Variants in PNPLA2 observed in about 807,000 individuals in gnomAD.
PNPLA2 encodes the protein patatin like domain 2, triacylglycerol lipase.
Under a neutral mutation model 39.7 loss-of-function variants are expected in PNPLA2, and 28 were observed. The observed-to-expected ratio is 0.70, with a 90% confidence interval of 0.52 to 0.97. PNPLA2 has a LOEUF of 0.97. PNPLA2 is among the 50% of genes least tolerant of loss of function. The probability of loss-of-function intolerance (pLI) is 0.00; values close to 1 mark genes in which losing one functional copy is unlikely to be tolerated. For synonymous variants in PNPLA2, 392 were observed against 321.1 expected, an observed-to-expected ratio of 1.22 and a Z score of -2.36; for missense variants, 768 against 698.2, an observed-to-expected ratio of 1.10 and a Z score of -1.13.
Position 825,277 on chromosome 11 carries a change from C to T in PNPLA2, c.*415C>T. 1 of 299,894 alleles carries T rather than the reference C, an allele frequency of 3.3e-6. No homozygotes were observed. The highest frequency in any genetic ancestry group is 6.4e-6 in the Non-Finnish European group (1 of 156,458). 18.6% of individuals were successfully genotyped at this position (299,894 alleles called of 1,614,324 possible). The stretch of plus-strand genomic sequence containing the variant: ...CTTACTTGCAGTGAGAGCCTGGTGG[C>T]CAGGGTCTGGCCCTACCTTGGCTGA... On this transcript the variant is annotated 3_prime_UTR_variant, in exon 10 of 10. Transcript: ENST00000336615.
chr11:824,197 G>T, intron 8 of PNPLA2, 67 bp downstream of exon 8: 1 of 1,554,582 alleles, frequency 6.4e-7, no homozygotes, highest in Non-Finnish European at 8.7e-7. Context: ...GCGAGTGATG[G>T]TTACCAGGGA....
At position 819,600 on chromosome 11, in the gene PNPLA2, C is replaced by G. The variant is rs975805239; in HGVS notation, c.-119C>G. On this transcript the variant is annotated 5_prime_UTR_variant, in exon 2 of 10. Coordinates refer to ENST00000336615, the MANE Select transcript of PNPLA2 (RefSeq NM_020376.4). Reference sequence around the variant, plus strand: ...TTCTTCGCCTCCGCCAGCGGGGACCCCGAGCTAGAGCCGCAGCGGGACCTG... The same window carrying G: ...TTCTTCGCCTCCGCCAGCGGGGACCGCGAGCTAGAGCCGCAGCGGGACCTG... 3.1e-6 allele frequency: 4 copies of G among 1,282,734 alleles called. No individual in the cohort carries two copies. Among genetic ancestry groups the G allele is most frequent in the Middle Eastern group, 2.9e-4 (1 of 3,506 alleles). The allele number at this position is 1,282,734 out of a possible 1,614,324, so 79.5% of individuals were successfully genotyped here. A position where few individuals can be genotyped will look rare whatever the true frequency, so the allele number is the denominator to read the frequency against.
chr11:820,292 C>T (rs1001814268), intron 2 of PNPLA2, among the ~76,000 whole-genome samples: 3 of 152,344 alleles, frequency 2.0e-5, no homozygotes, highest in African/African-American at 4.8e-5. Context: ...CCTGGGCTTC[C>T]GCAGTTGCAG....
chr11:819,396 A>G, intron 1 of PNPLA2, 178 bp from the exon 2 acceptor site: 3 of 978,212 alleles, frequency 3.1e-6, no homozygotes, highest in Non-Finnish European at 3.6e-6. Context: ...GGAGGGCAGA[A>G]GCTTTCTCCG....
chr11:823,235 T>C (rs757039106), intron 5 of PNPLA2, among the ~76,000 whole-genome samples: 55 of 151,940 alleles, frequency 3.6e-4, no homozygotes, highest in Admixed American at 9.2e-4. Context: ...TTTTTTGTAT[T>C]TTTAGTAGAG....
chr11:822,810 GTCTC>G (rs200940177), intron 5 of PNPLA2, among the ~76,000 whole-genome samples: 2 of 143,360 alleles, frequency 1.4e-5, no homozygotes, highest in South Asian at 2.1e-4. Flanking sequence ...TCCCTGTCCA[GTCTC>G]TCTCTCTTTT....
chr11:821,916 A>G, intron 3 of PNPLA2, 42 bp from the exon 4 acceptor site: 1 of 1,610,544 alleles, frequency 6.2e-7, no homozygotes, highest in Non-Finnish European at 8.5e-7. Flanking sequence ...GGGAACCTCA[A>G]GGCCTCTGCT....
chr11:824,172 A>G, intron 8 of PNPLA2, 42 bp downstream of exon 8: 1 of 1,570,830 alleles, frequency 6.4e-7, no homozygotes, highest in Non-Finnish European at 8.6e-7. Flanking sequence ...CAGGGGACGG[A>G]CTTTGGGATC....
chr11:824,264 G>A, intron 8 of PNPLA2, 50 bp from the exon 9 acceptor site: 1 of 1,548,874 alleles, frequency 6.5e-7, no homozygotes, highest in Non-Finnish European at 8.7e-7. Flanking sequence ...CGGCGGGTGG[G>A]CATGTGGGTC....
chr11:819,550 G>A (rs573526730), intron 1 of PNPLA2, 24 bp from the exon 2 acceptor site: 67 of 1,289,594 alleles, frequency 5.2e-5, no homozygotes, highest in African/African-American at 4.2e-4. Context: ...ACTTAAAAGC[G>A]CCGCCTCCGC....
chr11:824,472 G>A, intron 9 of PNPLA2, 36 bp downstream of exon 9: 2 of 1,547,134 alleles, frequency 1.3e-6, no homozygotes, highest in Non-Finnish European at 1.7e-6. Context: ...CGGGGCCCGC[G>A]GTGCTAGCGC....
In PNPLA2 at chr11:823,442, G is replaced by A. The variant is rs1325147136; in HGVS notation, c.697-85G>A. 5 of 1,231,794 alleles carry A rather than the reference G, an allele frequency of 4.1e-6. No homozygotes were observed. The African/African-American group carries it at 6.0e-5, about 15-fold the overall frequency. 76.3% of individuals were successfully genotyped at this position (1,231,794 alleles called of 1,614,324 possible). On this transcript the variant is annotated intron_variant, in intron 5 of 9. Transcript: ENST00000336615. ...TTGGGAGCTGCGGGTAGTGAAGGGA[G>A]GTGGCTGTTGGGGGTGCCAGGGATT...
In PNPLA2 at chr11:823,614, G is replaced by A. The variant is rs1259643060; in HGVS notation, c.757+27G>A. 5.0e-6 allele frequency: 8 copies of A among 1,605,062 alleles called. No homozygotes were observed. In the Admixed American group the frequency reaches 5.1e-5, roughly 10 times the overall value. On this transcript the variant is annotated intron_variant, in intron 6 of 9. Transcript: ENST00000336615. ...TGCGCGGACCCGGGCGGGAGAGGGC[G>A]GGGTGGGCTCGGCTCTGCTACCCCC...
chr11:823,434 T>C, intron 5 of PNPLA2, 93 bp from the exon 6 acceptor site: 1 of 1,148,406 alleles, frequency 8.7e-7, no homozygotes, highest in Non-Finnish European at 1.3e-6. Flanking sequence ...CTGCGGGTAG[T>C]GAAGGGAGGT....
chr11:823,640 T>A (rs1232292512), intron 6 of PNPLA2, 53 bp downstream of exon 6: 69 of 1,600,788 alleles, frequency 4.3e-5, no homozygotes, highest in Non-Finnish European at 5.4e-5. Flanking sequence ...TGCTACCCCC[T>A]GCGGGCCGCG....
Position 819,565 on chromosome 11 carries a change from C to CCTCCGCGCCGT in PNPLA2, c.-145-8_-145-7insTCCGCGCCGTC. ...ACTTAAAAGCGCCGCCTCCGCGCCG[C>CCTCCGCGCCGT]CCGCGTAGCTTCTTCGCCTCCGCCA... is the stretch of plus-strand genomic sequence containing the variant. On this transcript the variant is annotated splice_polypyrimidine_tract_variant and intron_variant, in intron 1 of 9. Transcript: ENST00000336615. 1 of 1,291,800 alleles carries CCTCCGCGCCGT rather than the reference C, an allele frequency of 7.7e-7. No homozygotes were observed. The highest frequency in any genetic ancestry group is 9.8e-7 in the Non-Finnish European group (1 of 1,017,838). The allele number at this position is 1,291,800 out of a possible 1,614,324, so 80.0% of individuals were successfully genotyped here. A position where few individuals can be genotyped will look rare whatever the true frequency, so the allele number is the denominator to read the frequency against.
intron 1 of PNPLA2, 194 bp from the exon 2 acceptor site, chr11:819,380 G>A: frequency 1.0e-6 from 1 of 976,906 alleles, no homozygotes; most frequent in Non-Finnish European, 1.2e-6. Flanking sequence ...CCCAGCAGGG[G>A]CGGAGGGAGG....
intron 5 of PNPLA2, among the ~76,000 whole-genome samples, chr11:822,822 T>TC (rs1565087758): frequency 1.8e-4 from 10 of 55,248 alleles, no homozygotes; most frequent in East Asian, 1.4e-3. Context: ...CTCTCTCTCT[T>TC]TTTTTTTTTT....
In PNPLA2 at chr11:825,157, AAT is replaced by A. The variant is rs1845849387; in HGVS notation, c.*298_*299del. The A allele has an allele frequency of 3.7e-6, 2 of 544,776 alleles. No individual in the cohort carries two copies. The highest frequency in any genetic ancestry group is 6.5e-6 in the Non-Finnish European group (2 of 306,724). The allele number at this position is 544,776 out of a possible 1,614,324, so 33.7% of individuals were successfully genotyped here. A position where few individuals can be genotyped will look rare whatever the true frequency, so the allele number is the denominator to read the frequency against. ...CTCCCCGTTTTTCATGGCCTGCTGA[AAT>A]ATGTGTGTGAAGAATTATTTATTTT... On this transcript the variant is annotated 3_prime_UTR_variant, in exon 10 of 10. Transcript: ENST00000336615.
Sources: allele counts gnomAD v4.1 joint callset (sites outside exome capture counted in the v4.1 genomes callset), GRCh38; gene constraint gnomAD v4.1.1; transcripts MANE v1.5; gene names NCBI Gene and HGNC (gene_info 2026-07-23, HGNC 2026-07-21).